ABCC11: variants seen among roughly 807,000 people sequenced by gnomAD.
ABCC11 encodes ATP-binding cassette sub-family C member 11.
In ABCC11, 135 loss-of-function variants were observed where a neutral mutation model predicts 149.3. The ratio of observed to expected loss-of-function variants is 0.90; its 90% CI spans 0.79 to 1.04. The LOEUF (loss-of-function observed/expected upper bound fraction) is 1.04, where lower values mean the gene tolerates loss of function less well. Ranked by LOEUF, ABCC11 falls within the 50% of genes least tolerant of loss-of-function variation. The probability of loss-of-function intolerance (pLI) is 0.00; values close to 1 mark genes in which losing one functional copy is unlikely to be tolerated. For synonymous variants in ABCC11, 665 were observed against 671.4 expected (o/e 0.99, Z 0.15); for missense variants, 1,680 against 1,722.1 (o/e 0.98, Z 0.43).
chr16:48,216,338 G>A, intron 6 of ABCC11, 51 bp from the exon 7 acceptor site: 1 of 1,578,948 alleles, frequency 6.3e-7, no homozygotes, highest in Non-Finnish European at 8.7e-7. Context: ...TGGGTACACA[G>A]AAGGGGTGGC....
intron 1 of ABCC11, among the ~76,000 whole-genome samples, chr16:48,240,364 G>A (rs904394418): frequency 5.9e-5 from 9 of 152,186 alleles, no homozygotes; most frequent in Middle Eastern, 3.2e-3. Flanking sequence ...ATGAGATTAC[G>A]TCCATTGCAG....
intron 6 of ABCC11, among the ~76,000 whole-genome samples, chr16:48,219,605 T>C (rs1261496422): frequency 6.6e-6 from 1 of 152,220 alleles, no homozygotes; most frequent in Non-Finnish European, 1.5e-5. Context: ...TGTATTCAGA[T>C]AATTTTAAAA....
At chr16:48,178,540 A>G in intron 24 of ABCC11, 57 bp downstream of exon 24, 1 of 1,550,844 alleles carries the variant, frequency 6.4e-7, no homozygotes, top group Non-Finnish European at 8.9e-7. Context: ...TAGAGGTCAC[A>G]GAAGTCATGC....
At chr16:48,232,920 C>T (rs11865596) in intron 1 of ABCC11, among the ~76,000 whole-genome samples, 19,929 of 152,122 alleles carry the variant, frequency 0.13, 1,624 homozygotes, top group African/African-American at 0.23. Context: ...AATACTGAGG[C>T]TGGGTATGAT....
At position 48,227,904 on chromosome 16, in the gene ABCC11, C is replaced by A. The variant is rs145048685; in HGVS notation, c.297G>T (p.Trp99Cys). 6 of 1,614,038 alleles carry A rather than the reference C, an allele frequency of 3.7e-6. No individual in the cohort carries two copies. In the East Asian group the frequency reaches 8.9e-5, roughly 24 times the overall value. Residue 99 changes from tryptophan (W) to cysteine (C), a missense_variant, in exon 4 of 30, where the codon TGG becomes TGT. Physicochemically the swap from Trp to Cys is radical, Grantham distance 215. Coordinates refer to ENST00000356608, the MANE Select transcript of ABCC11 (RefSeq NM_001370497.1). ...AGCTTTGGATCATGAGCGGGGTGAG[C>A]CATGACACGGTGAGGTAGGAGAACA... The part of the protein sequence containing the change: ...AGLFSYLTVS[W>C]LTPLMIQSLR...
At chr16:48,200,028 A>G (rs1967808903) in intron 15 of ABCC11, among the ~76,000 whole-genome samples, 1 of 152,154 alleles carries the variant, frequency 6.6e-6, no homozygotes, top group South Asian at 2.1e-4. Flanking sequence ...AAAATTTTGA[A>G]GATAAAGGAG....
At chr16:48,244,425 C>A in intron 1 of ABCC11, 1 of 1,584,268 alleles carries the variant, frequency 6.3e-7, no homozygotes, top group Non-Finnish European at 8.5e-7. Flanking sequence ...CCCCAGTCGC[C>A]TCCCGCTGCT....
chr16:48,188,123 T>C (rs1330323346), intron 20 of ABCC11, among the ~76,000 whole-genome samples: 2 of 152,194 alleles, frequency 1.3e-5, no homozygotes, highest in East Asian at 3.9e-4. Context: ...GGTATAAATA[T>C]GACTGCAAAC....
rs1297866340 is a variant in ABCC11, at chr16:48,233,765, C to T, written c.-18-1826G>A. On this transcript the variant is annotated intron_variant, in intron 1 of 29. Transcript: ENST00000356608. ...TGCAAAGGGCTGCCTCAGTGCTGTG[C>T]TCATAAACGTTTATATCTGTAACAA... Among the ~76,000 whole-genome samples the T allele has an allele frequency of 3.3e-5, 5 of 152,168 alleles. No individual in the cohort carries two copies. In the South Asian group the frequency reaches 1.0e-3, roughly 31 times the overall value.
downstream of ABCC11, chr16:48,165,656 GC>G (rs1965308194): frequency 6.6e-6 from 1 of 152,124 alleles, no homozygotes; most frequent in Non-Finnish European, 1.5e-5. Context: ...TTCTGGATCG[GC>G]CTGTTTACTT....
Position 48,203,079 on chromosome 16 carries a change from A to G in ABCC11, c.1878+149T>C. The G allele has an allele frequency of 3.4e-6, 3 of 877,096 alleles. No individual in the cohort carries two copies. The African/African-American group carries it at 5.1e-5, about 15-fold the overall frequency. The allele number at this position is 877,096 out of a possible 1,614,324, so 54.3% of individuals were successfully genotyped here. ...GAGCCCCAACCTCCCTCAGTGAGGG[A>G]AGCTTTGCTCCTCCTGCAGCAGCTG... On this transcript the variant is annotated intron_variant, in intron 14 of 29. Coordinates refer to ENST00000356608, the MANE Select transcript of ABCC11 (RefSeq NM_001370497.1).
At chr16:48,167,390 G>A (rs1169175648) in intron 29 of ABCC11, 24 bp from the exon 30 acceptor site, 1 of 1,497,242 alleles carries the variant, frequency 6.7e-7, no homozygotes, top group Non-Finnish European at 9.3e-7. Flanking sequence ...AAAGGCGAGG[G>A]GAGGATCAGG....
intron 23 of ABCC11, among the ~76,000 whole-genome samples, chr16:48,180,732 G>A (rs1357889513): frequency 1.3e-5 from 2 of 152,180 alleles, no homozygotes; most frequent in East Asian, 1.9e-4. Flanking sequence ...GCTGAGGTTT[G>A]GTAGACAGGA....
intron 1 of ABCC11, among the ~76,000 whole-genome samples, chr16:48,232,501 C>G (rs995866782): frequency 3.9e-5 from 6 of 152,072 alleles, no homozygotes; most frequent in African/African-American, 1.4e-4. Context: ...TCACAGACCC[C>G]AGAAGGAATC....
chr16:48,189,848 T>A (rs1966856241), intron 20 of ABCC11, among the ~76,000 whole-genome samples: 1 of 152,204 alleles, frequency 6.6e-6, no homozygotes, highest in Admixed American at 6.5e-5. Flanking sequence ...AAACACTTCA[T>A]GGCAACACAA....
At chr16:48,169,593 A>T (rs1483896175) in intron 28 of ABCC11, among the ~76,000 whole-genome samples, 1 of 152,124 alleles carries the variant, frequency 6.6e-6, no homozygotes, top group Non-Finnish European at 1.5e-5. Flanking sequence ...GCCGTAAAAA[A>T]GGATGAGTTC....
intron 1 of ABCC11, among the ~76,000 whole-genome samples, chr16:48,237,566 T>C (rs79633434): frequency 2.6e-5 from 4 of 152,318 alleles, no homozygotes; most frequent in East Asian, 3.9e-4. Flanking sequence ...ATTCTCCACA[T>C]AGCAGTCAAA....
chr16:48,183,538 G>T (rs1346815761), intron 23 of ABCC11, among the ~76,000 whole-genome samples: 2 of 152,220 alleles, frequency 1.3e-5, no homozygotes, highest in Non-Finnish European at 2.9e-5. Flanking sequence ...GAGGCCAGTG[G>T]ATCACTTGAA....
At position 48,165,802 on chromosome 16, in the gene ABCC11, T is replaced by C. The variant is rs1465460177; in HGVS notation, c.*1472A>G. On this transcript the variant is annotated 3_prime_UTR_variant, in exon 30 of 30. Transcript: ENST00000356608. ...TTTACTAAATTGATTTTTTATGGCATTTTTTGAAAATCAGACATCATAATC... is the reference window on the plus strand; with the variant it reads ...TTTACTAAATTGATTTTTTATGGCACTTTTTGAAAATCAGACATCATAATC... 1 of 152,224 alleles carries C rather than the reference T, an allele frequency of 6.6e-6. No homozygotes were observed. The highest frequency in any genetic ancestry group is 2.4e-5 in the African/African-American group (1 of 41,454). The allele number at this position is 152,224 out of a possible 1,614,324, so 9.4% of individuals were successfully genotyped here.
Sources: allele counts gnomAD v4.1 joint callset (sites outside exome capture counted in the v4.1 genomes callset), GRCh38; gene constraint gnomAD v4.1.1; transcripts MANE v1.5; gene names NCBI Gene and HGNC (gene_info 2026-07-23, HGNC 2026-07-21).